The following FREM2 variants were observed in gnomAD, a reference collection of about 807,000 sequenced individuals.
FREM2 encodes the protein FRAS1-related extracellular matrix protein 2.
FREM2 carries 119 observed loss-of-function variants against 219.9 expected under a neutral mutation model. The observed-to-expected ratio is 0.54, with a 90% CI of 0.47 to 0.63. FREM2 has a LOEUF of 0.63. Ranked by LOEUF, FREM2 falls within the 30% of genes least tolerant of loss-of-function variation. The pLI is 0.00. For missense variants in FREM2, 4,030 were observed against 3,993.6 expected (o/e 1.01, Z -0.25); for synonymous variants, 1,562 against 1,522.8 (o/e 1.03, Z -0.60).
chr13:38,759,273 T>G (rs1873136355), intron 2 of FREM2, among the ~76,000 whole-genome samples: 1 of 152,162 alleles, frequency 6.6e-6, no homozygotes, highest in African/African-American at 2.4e-5. Flanking sequence ...TTGTAACTAT[T>G]CTCCAAGAAG....
intron 6 of FREM2, among the ~76,000 whole-genome samples, chr13:38,805,804 A>T (rs1354253634): frequency 6.6e-6 from 1 of 151,916 alleles, no homozygotes; most frequent in Non-Finnish European, 1.5e-5. Context: ...TATTAAGAAA[A>T]TTGTGAAAAT....
chr13:38,859,716 T>A, intron 14 of FREM2, 126 bp downstream of exon 14: 1 of 963,850 alleles, frequency 1.0e-6, no homozygotes, highest in Non-Finnish European at 1.6e-6. Flanking sequence ...TAGTGAAAAA[T>A]TAAAATCTAT....
chr13:38,708,471 T>C (rs563383270), intron 2 of FREM2, among the ~76,000 whole-genome samples: 1 of 151,994 alleles, frequency 6.6e-6, no homozygotes, highest in Non-Finnish European at 1.5e-5. Context: ...CTGGACAACA[T>C]GGTGAAACAC....
At chr13:38,752,358 C>T (rs928197706) in intron 2 of FREM2, among the ~76,000 whole-genome samples, 7 of 151,936 alleles carry the variant, frequency 4.6e-5, no homozygotes, top group Non-Finnish European at 1.0e-4. Context: ...TTGATTTTGC[C>T]GCTGAAAACA....
chr13:38,795,445 C>A (rs923336053), intron 6 of FREM2, among the ~76,000 whole-genome samples: 2 of 150,658 alleles, frequency 1.3e-5, no homozygotes, highest in African/African-American at 4.9e-5. Context: ...TAAAAAAATT[C>A]TTTTGTTTTT....
At chr13:38,857,844 C>T in intron 12 of FREM2, 31 bp from the exon 13 acceptor site, 1 of 1,588,542 alleles carries the variant, frequency 6.3e-7, no homozygotes, top group Non-Finnish European at 8.6e-7. Context: ...TAATATTTCA[C>T]TAATCAGTGA....
intron 6 of FREM2, among the ~76,000 whole-genome samples, chr13:38,804,955 T>C (rs1046476493): frequency 2.6e-5 from 4 of 152,180 alleles, no homozygotes; most frequent in Non-Finnish European, 5.9e-5. Context: ...CCAATCCAGC[T>C]TTCTTCTCTA....
intron 6 of FREM2, among the ~76,000 whole-genome samples, chr13:38,793,309 C>T (rs1428843840): frequency 6.6e-6 from 1 of 152,144 alleles, no homozygotes; most frequent in Non-Finnish European, 1.5e-5. Context: ...ACACCTTTCC[C>T]AAACCAGGTT....
chr13:38,746,132 C>A (rs1427168204), intron 2 of FREM2, among the ~76,000 whole-genome samples: 1 of 152,152 alleles, frequency 6.6e-6, no homozygotes, highest in Non-Finnish European at 1.5e-5. Context: ...CATCTCTGTT[C>A]ATCTGTCCTA....
At chr13:38,733,041 T>C (rs1042375515) in intron 2 of FREM2, among the ~76,000 whole-genome samples, 6 of 152,156 alleles carry the variant, frequency 3.9e-5, no homozygotes, top group African/African-American at 1.2e-4. Context: ...TGTTGTTTTT[T>C]AGTTACTTAA....
rs374874064 is a variant in FREM2 at position 38,692,087 on chromosome 13, C to T, written c.4743C>T (p.Leu1581=). The T allele has an allele frequency of 6.2e-7, 1 of 1,614,174 alleles. No homozygotes were observed. The highest frequency in any genetic ancestry group is 1.1e-5 in the South Asian group (1 of 91,080). ...CCCAGGTGCCTATTCATGGCCATCT[C>T]CTATTCAACAATACCAGACCTGTCA... ...TITQVPIHGH[L]LFNNTRPVMV... is the part of the protein sequence containing the mutation. The change falls in exon 1 of 24, where the codon CTC becomes CTT. Residue 1581 remains leucine, a synonymous_variant. Transcript: ENST00000280481.
chr13:38,731,502 A>G (rs1871765825), intron 2 of FREM2, among the ~76,000 whole-genome samples: 1 of 152,196 alleles, frequency 6.6e-6, no homozygotes, highest in East Asian at 1.9e-4. Context: ...TCTAACTAGA[A>G]TACTTTTGAG....
intron 6 of FREM2, among the ~76,000 whole-genome samples, chr13:38,809,460 G>T (rs1489477860): frequency 6.6e-6 from 1 of 151,832 alleles, no homozygotes; most frequent in Non-Finnish European, 1.5e-5. Flanking sequence ...ATAGTTTGAG[G>T]TCTTAAATTT....
intron 3 of FREM2, among the ~76,000 whole-genome samples, chr13:38,764,900 T>G (rs750738730): frequency 1.3e-5 from 2 of 152,186 alleles, no homozygotes; most frequent in Non-Finnish European, 2.9e-5. Context: ...TCAACTCCAA[T>G]TCAAGTTCAT....
At chr13:38,838,449 C>G (rs574135274) in intron 6 of FREM2, among the ~76,000 whole-genome samples, 1 of 152,206 alleles carries the variant, frequency 6.6e-6, no homozygotes, top group Admixed American at 6.5e-5. Context: ...TGGGGTTGCT[C>G]TTTTCAAGGA....
intron 4 of FREM2, among the ~76,000 whole-genome samples, chr13:38,774,390 A>G (rs995028790): frequency 1.3e-5 from 2 of 152,200 alleles, no homozygotes; most frequent in African/African-American, 2.4e-5. Context: ...AGAAGAAGGC[A>G]TACTAACCCT....
intron 2 of FREM2, among the ~76,000 whole-genome samples, chr13:38,722,973 A>G (rs1425163194): frequency 1.3e-5 from 2 of 152,112 alleles, no homozygotes; most frequent in African/African-American, 2.4e-5. Context: ...GCTCCTGCCT[A>G]TAATCCCAGC....
At chr13:38,797,761 T>C (rs1874850579) in intron 6 of FREM2, among the ~76,000 whole-genome samples, 1 of 152,114 alleles carries the variant, frequency 6.6e-6, no homozygotes, top group South Asian at 2.1e-4. Context: ...TATAGTTTTA[T>C]AGTAGTCTTA....
At chr13:38,813,946 T>G (rs905131671) in intron 6 of FREM2, among the ~76,000 whole-genome samples, 1 of 152,034 alleles carries the variant, frequency 6.6e-6, no homozygotes, top group African/African-American at 2.4e-5. Context: ...GCTCACTAAT[T>G]CTTTATCCTG....
Sources: gnomAD v4.1 joint callset for allele counts (sites outside exome capture counted in the v4.1 genomes callset) on GRCh38, gnomAD v4.1.1 for gene constraint, MANE v1.5 for transcripts, NCBI Gene and HGNC (gene_info 2026-07-23, HGNC 2026-07-21) for gene names.